The following PPP1R13L variants were observed in gnomAD, a reference collection of about 807,000 sequenced individuals.
PPP1R13L encodes the protein relA-associated inhibitor.
A neutral mutation model predicts 80.9 loss-of-function variants in PPP1R13L; 50 were observed. That is an observed-to-expected ratio of 0.62 (90% CI 0.49 to 0.78). The LOEUF (loss-of-function observed/expected upper bound fraction) is 0.78. Ranked by LOEUF, PPP1R13L falls within the 30% of genes least tolerant of loss-of-function variation. The pLI, the probability that PPP1R13L is intolerant of heterozygous loss-of-function variation, is 0.00. For synonymous variants in PPP1R13L, 602 were observed against 534.3 expected (o/e 1.13, Z -1.75); for missense variants, 1,200 against 1,205.9 (o/e 1.00, Z 0.07).
In PPP1R13L at chr19:45,392,029, C is replaced by T. The variant is rs1294958815; in HGVS notation, c.1666G>A (p.Gly556Arg). 1.3e-6 allele frequency: 2 copies of T among 1,544,062 alleles called. No homozygotes were observed. The highest frequency in any genetic ancestry group is 8.7e-7 in the Non-Finnish European group (1 of 1,148,334). ...IISRLFHRHG[G>R]PGPGGPEPEL... is the part of the protein sequence containing the mutation. ...GGCTCCGGCCCCCCGGGCCCTGGCC[C>T]CCCATGACGATGGAAGAGGCGGCTG... The change falls in exon 8 of 13, where the codon GGG becomes AGG. Residue 556 changes from glycine (G) to arginine (R), a missense_variant. Physicochemically the swap from Gly to Arg is moderately radical, Grantham distance 125. This residue lies in a region of PPP1R13L where 214 missense variants were observed against 199.6 expected (regional missense o/e 1.07). Transcript: ENST00000360957.
chr19:45,394,629 A>ATTTTTTT (rs56394453), intron 7 of PPP1R13L: 1 of 124,652 alleles, frequency 8.0e-6, no homozygotes, highest in African/African-American at 3.6e-5. Context: ...TGCCCAGCTA[A>ATTTTTTT]TTTTTTTTTT....
At chr19:45,381,868 A>G (rs1972768668) in intron 12 of PPP1R13L, among the ~76,000 whole-genome samples, 2 of 151,358 alleles carry the variant, frequency 1.3e-5, no homozygotes. Flanking sequence ...TGAGCCCGGG[A>G]GGCAGAGGTT....
At chr19:45,381,774 CAA>C (rs796756556) in intron 12 of PPP1R13L, among the ~76,000 whole-genome samples, 12 of 119,030 alleles carry the variant, frequency 1.0e-4, no homozygotes, top group Admixed American at 1.8e-4. Flanking sequence ...ACACAAAATA[CAA>C]AAAAAAAAAA....
At chr19:45,395,908 A>C in intron 6 of PPP1R13L, 22 bp from the exon 7 acceptor site, 1 of 1,551,848 alleles carries the variant, frequency 6.4e-7, no homozygotes, top group Non-Finnish European at 8.8e-7. Context: ...GGAAGGGAGA[A>C]GGGGATCGGG....
chr19:45,397,063 G>T lies in PPP1R13L; in HGVS notation c.199-5C>A. 3.1e-6 allele frequency: 4 copies of T among 1,304,968 alleles called. No individual in the cohort carries two copies. The highest frequency in any genetic ancestry group is 3.9e-6 in the Non-Finnish European group (4 of 1,027,192). 80.8% of individuals were successfully genotyped at this position (1,304,968 alleles called of 1,614,324 possible). A position where few individuals can be genotyped will look rare whatever the true frequency, so the allele number is the denominator to read the frequency against. On this transcript the variant is annotated splice_region_variant and splice_polypyrimidine_tract_variant and intron_variant, in intron 3 of 12. Coordinates refer to ENST00000360957, the MANE Select transcript of PPP1R13L (RefSeq NM_006663.4). ...GCTGGAGCTGTACCGGGGCGGCTGT[G>T]GGGAGGCCAGGGCATTGAGGGATGG...
intron 1 of PPP1R13L, among the ~76,000 whole-genome samples, chr19:45,401,696 G>A (rs1377215246): frequency 6.6e-6 from 1 of 152,172 alleles, no homozygotes; most frequent in African/African-American, 2.4e-5. Flanking sequence ...AGAATTCTGA[G>A]TCTTTCTGTA....
At chr19:45,398,568 CTTTCTTTTTTTCTTTTCTT>C (rs1973164114) in intron 1 of PPP1R13L, among the ~76,000 whole-genome samples, 1 of 150,818 alleles carries the variant, frequency 6.6e-6, no homozygotes. Context: ...TTCACTTTCT[CTTTCTTTTTTTCTTTTCTT>C]TTTTTTTTTT....
intron 1 of PPP1R13L, among the ~76,000 whole-genome samples, chr19:45,398,989 G>A (rs1973173735): frequency 6.6e-6 from 1 of 151,918 alleles, no homozygotes; most frequent in Non-Finnish European, 1.5e-5. Context: ...TTTCGCCCAG[G>A]CTGGAGTGCA....
rs1011772572 is a variant in PPP1R13L at position 45,396,048 on chromosome 19, G to A, written c.903+120C>T. The stretch of plus-strand genomic sequence containing the variant: ...AAACCCAGCACAGTGAAGGGAGAGC[G>A]TGGGAACGGGCGCCGAGACCCAGAT... On this transcript the variant is annotated intron_variant, in intron 6 of 12. Coordinates refer to ENST00000360957, the MANE Select transcript of PPP1R13L (RefSeq NM_006663.4). This position sits in a 1 kb window ranked among gnomAD's most constrained non-coding sequence, Gnocchi z 5.3. 18 of 1,309,478 alleles carry A rather than the reference G, an allele frequency of 1.4e-5. No homozygotes were observed. Among genetic ancestry groups the A allele is most frequent in the Non-Finnish European group, 1.6e-5 (15 of 956,402 alleles). 81.1% of individuals were successfully genotyped at this position (1,309,478 alleles called of 1,614,324 possible).
intron 3 of PPP1R13L, among the ~76,000 whole-genome samples, chr19:45,397,688 C>T (rs1033391891): frequency 6.6e-6 from 1 of 151,594 alleles, no homozygotes; most frequent in African/African-American, 2.4e-5. Context: ...AAACTCCTGA[C>T]CTCAAGTGAT....
chr19:45,406,249 C>G (rs1004790821), upstream of PPP1R13L: 5 of 985,140 alleles, frequency 5.1e-6, no homozygotes, highest in Non-Finnish European at 6.1e-6. This position sits in a 1 kb window ranked among gnomAD's most constrained non-coding sequence, Gnocchi z 4.2. Context: ...CCCCAGAAGA[C>G]ATTTAACACA....
At position 45,403,570 on chromosome 19, in the gene PPP1R13L, A is replaced by G. The variant is rs1220578469; in HGVS notation, c.-22+1429T>C. 2.0e-5 allele frequency among the ~76,000 whole-genome samples: 3 copies of G among 152,136 alleles called. No individual in the cohort carries two copies. The East Asian group carries it at 5.8e-4, about 29-fold the overall frequency. ...AGCCTCCGTTTCTCCACTCGTAATG[A>G]GGAGTCCTTCCCTGGGGTCAGCAAA... On this transcript the variant is annotated intron_variant, in intron 1 of 12. Coordinates refer to ENST00000360957, the MANE Select transcript of PPP1R13L (RefSeq NM_006663.4).
chr19:45,383,058 G>T (rs1356482057), intron 11 of PPP1R13L, among the ~76,000 whole-genome samples: 2 of 146,706 alleles, frequency 1.4e-5, no homozygotes, highest in Non-Finnish European at 3.0e-5. Context: ...GCAGTGGCAC[G>T]ATCTCGGCTC....
Position 45,386,054 on chromosome 19 carries a change from T to C in PPP1R13L, c.1942A>G (p.Lys648Glu), listed in dbSNP as rs2123355831. The change falls in exon 9 of 13, where the codon AAG becomes GAG. Residue 648 changes from lysine (K) to glutamate (E), a missense_variant. Physicochemically the swap from Lys to Glu is moderately conservative, Grantham distance 56. Around this residue, in one of 5 missense-constraint regions of PPP1R13L, gnomAD observed 214 missense variants for 199.6 expected, o/e 1.07. Transcript: ENST00000360957. ...GELEVVQQAVKEMNDPSQPNE... is the reference protein window; with the variant it reads ...GELEVVQQAVEEMNDPSQPNE... ...TCCCGCTCAGCAGCGCTCACCTCCT[T>C]CACCGCCTGCTGCACCACCTCCAGC... 1 of 1,587,424 alleles carries C rather than the reference T, an allele frequency of 6.3e-7. No homozygotes were observed. Among genetic ancestry groups the C allele is most frequent in the Non-Finnish European group, 8.5e-7 (1 of 1,169,844 alleles).
intron 11 of PPP1R13L, among the ~76,000 whole-genome samples, chr19:45,383,922 C>T (rs1972816254): frequency 6.6e-6 from 1 of 151,784 alleles, no homozygotes; most frequent in Admixed American, 6.6e-5. Flanking sequence ...CCGCTACACC[C>T]GGCTAAATTG....
chr19:45,402,025 G>A (rs950610767), intron 1 of PPP1R13L: 1 of 152,156 alleles, frequency 6.6e-6, no homozygotes, highest in Admixed American at 6.6e-5. Context: ...GTAAAATGGG[G>A]ATGAAAGTTC....
Position 45,396,006 on chromosome 19 carries a change from G to T in PPP1R13L, c.904-120C>A. 1 of 1,272,088 alleles carries T rather than the reference G, an allele frequency of 7.9e-7. No individual in the cohort carries two copies. The highest frequency in any genetic ancestry group is 1.1e-6 in the Non-Finnish European group (1 of 924,980). The allele number at this position is 1,272,088 out of a possible 1,614,324, so 78.8% of individuals were successfully genotyped here. A position where few individuals can be genotyped will look rare whatever the true frequency, so the allele number is the denominator to read the frequency against. On this transcript the variant is annotated intron_variant, in intron 6 of 12. Coordinates refer to ENST00000360957, the MANE Select transcript of PPP1R13L (RefSeq NM_006663.4). This position sits in a 1 kb window ranked among gnomAD's most constrained non-coding sequence, Gnocchi z 5.3. Reference sequence around the variant, plus strand: ...AGCCCTGGGAGTGAGGGAGAAGAAAGGGTGAGGAAGGAGCAGAAACCCAGC... The same window carrying T: ...AGCCCTGGGAGTGAGGGAGAAGAAATGGTGAGGAAGGAGCAGAAACCCAGC...
intron 8 of PPP1R13L, among the ~76,000 whole-genome samples, chr19:45,389,187 T>C (rs1168984955): frequency 2.0e-5 from 3 of 152,232 alleles, no homozygotes; most frequent in Non-Finnish European, 2.9e-5. Context: ...GATTCTACAA[T>C]GGGATGCTCA....
chr19:45,387,527 C>T (rs1972892102), intron 8 of PPP1R13L, among the ~76,000 whole-genome samples: 1 of 152,054 alleles, frequency 6.6e-6, no homozygotes, highest in Non-Finnish European at 1.5e-5. Context: ...TGATGGAGAA[C>T]TTTAATATTT....
Sources: gnomAD v4.1 joint callset for allele counts (sites outside exome capture counted in the v4.1 genomes callset) on GRCh38, gnomAD v4.1.1 for gene constraint, gnomAD v4.1.1 regional missense constraint, Gnocchi (gnomAD v3.1) non-coding constraint, MANE v1.5 for transcripts, NCBI Gene and HGNC (gene_info 2026-07-23, HGNC 2026-07-21) for gene names.